Variants in ELMO1 observed in about 807,000 individuals in gnomAD.
ELMO1 encodes engulfment and cell motility protein 1.
ELMO1 carries 26 observed loss-of-function variants against 98.9 expected under a neutral mutation model. That is an observed-to-expected ratio of 0.26 (90% confidence interval 0.19 to 0.36). ELMO1 has a LOEUF of 0.36. Ranked by LOEUF, ELMO1 falls within the 10% of genes least tolerant of loss-of-function variation. The probability of loss-of-function intolerance (pLI) is 1.00; values close to 1 mark genes in which losing one functional copy is unlikely to be tolerated. For missense variants in ELMO1, 627 were observed against 935.2 expected, an observed-to-expected ratio of 0.67 and a Z score of 4.30; for synonymous variants, 346 against 346.0, an observed-to-expected ratio of 1.00 and a Z score of 0.00.
Position 37,244,376 on chromosome 7 carries a change from C to T in ELMO1, c.429G>A (p.Leu143=). Residue 143 remains leucine, a synonymous_variant, in exon 7 of 22, where the codon TTG becomes TTA. Coordinates refer to ENST00000310758, the MANE Select transcript of ELMO1 (RefSeq NM_014800.11). ...VESGTERYQK[L]QKIMKPCFGD... ...CTTACCAAGGCTTCATGATCTTCTG[C>T]AATTTCTGGTATCGCCTGCAAAATT... 2 of 1,612,892 alleles carry T rather than the reference C, an allele frequency of 1.2e-6. No individual in the cohort carries two copies. Among genetic ancestry groups the T allele is most frequent in the Non-Finnish European group, 1.7e-6 (2 of 1,179,742 alleles).
intron 13 of ELMO1, among the ~76,000 whole-genome samples, chr7:37,192,323 C>T (rs545429106): frequency 2.6e-4 from 39 of 151,888 alleles, no homozygotes; most frequent in African/African-American, 8.2e-4. Flanking sequence ...GGTGAAATCC[C>T]GTCTCTGCTA....
chr7:36,917,877 A>G (rs547605089), intron 16 of ELMO1, among the ~76,000 whole-genome samples: 4 of 152,226 alleles, frequency 2.6e-5, no homozygotes, highest in Non-Finnish European at 5.9e-5. Context: ...GAATAAATGC[A>G]GACAATGAAA....
intron 1 of ELMO1, among the ~76,000 whole-genome samples, chr7:37,390,585 C>G (rs1281387716): frequency 6.6e-6 from 1 of 152,244 alleles, no homozygotes; most frequent in East Asian, 1.9e-4. Context: ...AATTCTATTT[C>G]TAATCCTTTT....
chr7:36,942,183 C>T (rs1197539195), intron 16 of ELMO1, among the ~76,000 whole-genome samples: 1 of 152,196 alleles, frequency 6.6e-6, no homozygotes, highest in Non-Finnish European at 1.5e-5. Flanking sequence ...CAGTCCAGAC[C>T]TCCAGGTAGC....
intron 13 of ELMO1, among the ~76,000 whole-genome samples, chr7:37,173,796 C>T (rs1008985622): frequency 6.6e-6 from 1 of 152,204 alleles, no homozygotes; most frequent in Non-Finnish European, 1.5e-5. Flanking sequence ...TGAGAACCAC[C>T]ACCCCAAACC....
At chr7:36,949,284 G>A (rs936259503) in intron 16 of ELMO1, among the ~76,000 whole-genome samples, 1 of 152,170 alleles carries the variant, frequency 6.6e-6, no homozygotes, top group African/African-American at 2.4e-5. Flanking sequence ...TTATTCCACT[G>A]TGTTTCCCCC....
chr7:37,435,613 C>T (rs1583759779), intron 1 of ELMO1, among the ~76,000 whole-genome samples: 2 of 152,294 alleles, frequency 1.3e-5, no homozygotes, highest in African/African-American at 4.8e-5. Context: ...TTTCAGACAC[C>T]CTCATCTGCC....
At chr7:36,865,835 C>T (rs1358359482) in intron 20 of ELMO1, among the ~76,000 whole-genome samples, 1 of 152,122 alleles carries the variant, frequency 6.6e-6, no homozygotes, top group East Asian at 1.9e-4. Flanking sequence ...TTCCTGGCAC[C>T]TAGGACAAAG....
chr7:37,255,811 A>G (rs954248943), intron 6 of ELMO1, among the ~76,000 whole-genome samples: 1 of 106,098 alleles, frequency 9.4e-6, no homozygotes, highest in Non-Finnish European at 1.9e-5. Context: ...ATCAATAAAC[A>G]GGGGTAAACA....
In ELMO1 at chr7:37,342,366, C is replaced by T. The variant is rs1800762678; in HGVS notation, c.78+247G>A. ...CAGGGCCCGATCCACTTGTCCCTCC[C>T]ACCTCCTTCCTAGCTTCAGACACAA... is the stretch of plus-strand genomic sequence containing the variant. On this transcript the variant is annotated intron_variant, in intron 2 of 21. Transcript: ENST00000310758. The surrounding 1 kb of genome is among the most constrained non-coding windows in gnomAD (Gnocchi z 4.3). Among the ~76,000 whole-genome samples, 1 of 152,228 alleles carries T rather than the reference C, an allele frequency of 6.6e-6. No individual in the cohort carries two copies. Among genetic ancestry groups the T allele is most frequent in the Non-Finnish European group, 1.5e-5 (1 of 68,044 alleles).
At chr7:36,961,656 ATATT>A in intron 16 of ELMO1, among the ~76,000 whole-genome samples, 1 of 152,218 alleles carries the variant, frequency 6.6e-6, no homozygotes, top group East Asian at 1.9e-4. Flanking sequence ...TAATGGTTTG[ATATT>A]TATGAATACC....
At position 37,154,858 on chromosome 7, in the gene ELMO1, T is replaced by C. The variant is rs960201370; in HGVS notation, c.1087-21624A>G. 2.6e-5 allele frequency among the ~76,000 whole-genome samples: 4 copies of C among 152,182 alleles called. No homozygotes were observed. In the South Asian group the frequency reaches 6.2e-4, roughly 24 times the overall value. ...AGAAGAGCAACCCCAAGACACATAA[T>C]TGTCAGATTTACCAAGGTTGAAAGG... On this transcript the variant is annotated intron_variant, in intron 13 of 21. Coordinates refer to ENST00000310758, the MANE Select transcript of ELMO1 (RefSeq NM_014800.11).
intron 15 of ELMO1, among the ~76,000 whole-genome samples, chr7:37,094,055 A>G (rs1784255160): frequency 6.6e-6 from 1 of 152,234 alleles, no homozygotes; most frequent in African/African-American, 2.4e-5. Flanking sequence ...GACAAGGACC[A>G]TATCTGGTTC....
chr7:37,429,070 G>A (rs914563705), intron 1 of ELMO1, among the ~76,000 whole-genome samples: 5 of 152,124 alleles, frequency 3.3e-5, no homozygotes, highest in African/African-American at 1.2e-4. Flanking sequence ...TTTCCAACTG[G>A]GCAAGGGAGG....
At chr7:36,899,682 A>ATTTTTTTTTT (rs1178774148) in intron 16 of ELMO1, among the ~76,000 whole-genome samples, 1 of 5,394 alleles carries the variant, frequency 1.9e-4, no homozygotes, top group Non-Finnish European at 4.1e-4. Flanking sequence ...ATCTTTACTC[A>ATTTTTTTTTT]TCTTTTTTTT....
chr7:37,447,224 T>C (rs1245467509), intron 1 of ELMO1, among the ~76,000 whole-genome samples: 1 of 152,200 alleles, frequency 6.6e-6, no homozygotes, highest in Non-Finnish European at 1.5e-5. Flanking sequence ...TAATTACTTT[T>C]ATAGAAGCAA....
At chr7:36,953,525 G>A (rs980288715) in intron 16 of ELMO1, among the ~76,000 whole-genome samples, 1 of 152,152 alleles carries the variant, frequency 6.6e-6, no homozygotes, top group Non-Finnish European at 1.5e-5. Context: ...AAATTTTGGT[G>A]CATATCCTTT....
chr7:37,335,817 G>A (rs958479893), intron 2 of ELMO1, among the ~76,000 whole-genome samples: 1 of 152,210 alleles, frequency 6.6e-6, no homozygotes, highest in East Asian at 1.9e-4. Flanking sequence ...ACACTTGGTA[G>A]AGATGATGGA....
intron 14 of ELMO1, among the ~76,000 whole-genome samples, chr7:37,125,222 A>G (rs1405126398): frequency 6.6e-6 from 1 of 152,208 alleles, no homozygotes; most frequent in African/African-American, 2.4e-5. Context: ...GGACATAGGC[A>G]CGGGCAAGGA....
Sources: allele counts gnomAD v4.1 joint callset (sites outside exome capture counted in the v4.1 genomes callset), GRCh38; gene constraint gnomAD v4.1.1; non-coding constraint Gnocchi (gnomAD v3.1); transcripts MANE v1.5; gene names NCBI Gene and HGNC (gene_info 2026-07-23, HGNC 2026-07-21).